Variants in CHCHD6 observed in about 807,000 individuals in gnomAD.
The protein encoded by CHCHD6 is coiled-coil-helix-coiled-coil-helix domain containing 6, also known as MICOS complex subunit MIC25.
A neutral mutation model predicts 32.3 loss-of-function variants in CHCHD6; 28 were observed. The ratio of observed to expected loss-of-function variants is 0.87; its 90% CI spans 0.64 to 1.19. The LOEUF (loss-of-function observed/expected upper bound fraction) is 1.19, where lower values mean the gene tolerates loss of function less well. Ranked by LOEUF, CHCHD6 falls within the 50% of genes most tolerant of loss-of-function variation. CHCHD6 has a pLI of 0.00. For missense variants in CHCHD6, 333 were observed against 307.0 expected (o/e 1.08, Z -0.63); for synonymous variants, 122 against 117.5 (o/e 1.04, Z -0.25).
Position 126,925,141 on chromosome 3 carries a change from C to A in CHCHD6, c.566+10391C>A, listed in dbSNP as rs2078304403. Among the ~76,000 whole-genome samples the A allele has an allele frequency of 2.0e-5, 3 of 152,220 alleles. No individual in the cohort carries two copies. The South Asian group carries it at 6.2e-4, about 31-fold the overall frequency. Reference sequence around the variant, plus strand: ...GGAATTAGGCAGTGGTTTTCTGCTCCTCATTCTGTCCTGTCACCACGAATA... The same window carrying A: ...GGAATTAGGCAGTGGTTTTCTGCTCATCATTCTGTCCTGTCACCACGAATA... On this transcript the variant is annotated intron_variant, in intron 6 of 7. Coordinates refer to ENST00000290913, the MANE Select transcript of CHCHD6 (RefSeq NM_032343.3).
At chr3:126,767,122 CA>C in intron 4 of CHCHD6, 2 of 1,514,950 alleles carry the variant, frequency 1.3e-6, no homozygotes, top group South Asian at 2.2e-5. Flanking sequence ...AGTTGTGTCC[CA>C]GCTGACCATA....
At chr3:126,895,209 CA>C (rs2058944082) in intron 5 of CHCHD6, among the ~76,000 whole-genome samples, 1 of 152,204 alleles carries the variant, frequency 6.6e-6, no homozygotes, top group African/African-American at 2.4e-5. Context: ...ACCTTCAAAT[CA>C]ATGTGATCTA....
chr3:126,727,253 G>A (rs1050204203), intron 2 of CHCHD6, 67 bp downstream of exon 2: 6 of 1,126,090 alleles, frequency 5.3e-6, no homozygotes, highest in African/African-American at 4.6e-5. Context: ...GTGCTCACCC[G>A]AGCCCACCTG....
chr3:126,812,732 G>T (rs781121085), intron 4 of CHCHD6, among the ~76,000 whole-genome samples: 1 of 151,856 alleles, frequency 6.6e-6, no homozygotes, highest in Non-Finnish European at 1.5e-5. Flanking sequence ...GTGCCCGGCC[G>T]CATCTCCATT....
At chr3:126,739,772 A>G (rs1310062716) in intron 4 of CHCHD6, among the ~76,000 whole-genome samples, 3 of 151,988 alleles carry the variant, frequency 2.0e-5, no homozygotes, top group East Asian at 1.9e-4. Flanking sequence ...ATCTCTTTAC[A>G]TATGTTGCCC....
chr3:126,843,279 T>G (rs1458302335), intron 4 of CHCHD6, among the ~76,000 whole-genome samples: 1 of 152,188 alleles, frequency 6.6e-6, no homozygotes, highest in African/African-American at 2.4e-5. Flanking sequence ...TATTATCTTT[T>G]TTGCACATTG....
At chr3:126,947,154 C>T (rs1490806728) in intron 6 of CHCHD6, among the ~76,000 whole-genome samples, 1 of 152,244 alleles carries the variant, frequency 6.6e-6, no homozygotes, top group Non-Finnish European at 1.5e-5. Flanking sequence ...TGGCCACCTA[C>T]GATGTGTGCG....
At chr3:126,821,468 G>A (rs574652578) in intron 4 of CHCHD6, among the ~76,000 whole-genome samples, 4 of 152,154 alleles carry the variant, frequency 2.6e-5, no homozygotes, top group South Asian at 2.1e-4. Context: ...CTAATTTTTT[G>A]TATTTTTAGT....
chr3:126,837,594 A>G (rs1484717783), intron 4 of CHCHD6, among the ~76,000 whole-genome samples: 1 of 152,188 alleles, frequency 6.6e-6, no homozygotes, highest in Non-Finnish European at 1.5e-5. Context: ...AGTGTTTAAT[A>G]ATATCTATTT....
intron 5 of CHCHD6, among the ~76,000 whole-genome samples, chr3:126,893,808 G>A (rs1311848813): frequency 6.6e-6 from 1 of 152,226 alleles, no homozygotes; most frequent in African/African-American, 2.4e-5. Context: ...AGGCCTGGAA[G>A]AGAGACCACT....
chr3:126,704,677 C>T (rs1040587752), intron 1 of CHCHD6, among the ~76,000 whole-genome samples: 6 of 152,170 alleles, frequency 3.9e-5, no homozygotes, highest in African/African-American at 9.7e-5. Context: ...GTCCTGGCTC[C>T]GGTCGGCTTA....
chr3:126,785,304 AGCAAAGT>A, intron 4 of CHCHD6, among the ~76,000 whole-genome samples: 1 of 152,336 alleles, frequency 6.6e-6, no homozygotes, highest in Non-Finnish European at 1.5e-5. Context: ...TCCCGTGGGC[AGCAAAGT>A]CACCCTGGGG....
At chr3:126,774,418 A>T (rs552693868) in intron 4 of CHCHD6, among the ~76,000 whole-genome samples, 1 of 152,332 alleles carries the variant, frequency 6.6e-6, no homozygotes, top group Non-Finnish European at 1.5e-5. Flanking sequence ...TATCTTGTGT[A>T]AATATCATAC....
rs377699538 is a variant in CHCHD6 at position 126,912,314 on chromosome 3, G to A, written c.496-2366G>A. Among the ~76,000 whole-genome samples, 67 of 152,238 alleles carry A rather than the reference G, an allele frequency of 4.4e-4. 2 individuals are homozygous for A. The South Asian group carries it at 0.014, about 32-fold the overall frequency. On this transcript the variant is annotated intron_variant, in intron 5 of 7. Transcript: ENST00000290913. ...TGGGAGGGAGGCCCAAAGTTGTTAT[G>A]TCTCTGTCCCTACCGCCTCGCCCAG... is the stretch of plus-strand genomic sequence containing the variant.
intron 6 of CHCHD6, among the ~76,000 whole-genome samples, chr3:126,946,953 G>A (rs1178454651): frequency 6.6e-6 from 1 of 152,242 alleles, no homozygotes; most frequent in Non-Finnish European, 1.5e-5. Context: ...GATAATAGGA[G>A]AAGGATAAGT....
chr3:126,789,342 T>G (rs1339330233), intron 4 of CHCHD6, among the ~76,000 whole-genome samples: 2 of 152,206 alleles, frequency 1.3e-5, no homozygotes, highest in Non-Finnish European at 2.9e-5. Flanking sequence ...TTAGGTCCAC[T>G]TGGTGCAGAG....
intron 6 of CHCHD6, among the ~76,000 whole-genome samples, chr3:126,915,151 C>T (rs1161843033): frequency 2.6e-5 from 4 of 152,324 alleles, no homozygotes; most frequent in Admixed American, 6.5e-5. Flanking sequence ...GAAGGTGTCC[C>T]CTCTCAGTGC....
intron 5 of CHCHD6, among the ~76,000 whole-genome samples, chr3:126,861,610 T>A (rs1368287253): frequency 6.7e-6 from 1 of 148,384 alleles, no homozygotes; most frequent in African/African-American, 2.5e-5. Flanking sequence ...CATTACCACC[T>A]CCTCCTCCAC....
intron 4 of CHCHD6, among the ~76,000 whole-genome samples, chr3:126,840,083 C>A (rs899083343): frequency 1.3e-5 from 2 of 152,216 alleles, no homozygotes; most frequent in Non-Finnish European, 2.9e-5. Context: ...TGTCTGGCTT[C>A]TTTCACTTAG....
Sources: allele counts gnomAD v4.1 joint callset (sites outside exome capture counted in the v4.1 genomes callset), GRCh38; gene constraint gnomAD v4.1.1; transcripts MANE v1.5; gene names NCBI Gene and HGNC (gene_info 2026-07-23, HGNC 2026-07-21).